Variants in ZMAT4 observed in about 807,000 individuals in gnomAD.
ZMAT4 encodes the protein zinc finger matrin-type 4, also known as zinc finger matrin-type protein 4.
Under a neutral mutation model 28.7 loss-of-function variants are expected in ZMAT4, and 17 were observed. That is an observed-to-expected ratio of 0.59 (90% CI 0.41 to 0.89). The LOEUF is 0.89. Among genes scored for constraint, ZMAT4 ranks in the 40% least tolerant of loss-of-function variants. The pLI is 0.00. For missense variants in ZMAT4, 240 were observed against 283.8 expected, an observed-to-expected ratio of 0.85 and a Z score of 1.11; for synonymous variants, 117 against 109.2, an observed-to-expected ratio of 1.07 and a Z score of -0.44.
chr8:40,768,856 G>T (rs1480139412), intron 2 of ZMAT4, among the ~76,000 whole-genome samples: 1 of 151,904 alleles, frequency 6.6e-6, no homozygotes, highest in African/African-American at 2.4e-5. Context: ...GCTTTTCCAG[G>T]CTTTTGTTCC....
At chr8:40,660,716 A>G (rs996921848) in intron 5 of ZMAT4, among the ~76,000 whole-genome samples, 2 of 152,218 alleles carry the variant, frequency 1.3e-5, no homozygotes, top group African/African-American at 2.4e-5. Context: ...CCTCAACTAT[A>G]AAATCCCCAT....
intron 5 of ZMAT4, among the ~76,000 whole-genome samples, chr8:40,631,818 G>A (rs1354466680): frequency 2.0e-5 from 3 of 152,202 alleles, no homozygotes; most frequent in Admixed American, 1.3e-4. Context: ...GAGCTATGCT[G>A]TAAAAGGTGT....
At chr8:40,804,164 T>G (rs147095019) in intron 2 of ZMAT4, among the ~76,000 whole-genome samples, 14 of 152,122 alleles carry the variant, frequency 9.2e-5, no homozygotes, top group African/African-American at 3.1e-4. Flanking sequence ...TAGACACAAA[T>G]CATTATACAT....
intron 1 of ZMAT4, among the ~76,000 whole-genome samples, chr8:40,863,896 C>A (rs1817587793): frequency 6.6e-6 from 1 of 152,142 alleles, no homozygotes; most frequent in African/African-American, 2.4e-5. Context: ...ACAACACTTA[C>A]CTATATCAAA....
intron 2 of ZMAT4, among the ~76,000 whole-genome samples, chr8:40,819,886 A>G (rs906568627): frequency 3.0e-4 from 46 of 152,044 alleles, no homozygotes; most frequent in Non-Finnish European, 1.8e-4. Flanking sequence ...TAGAGAACAT[A>G]TAGCAAATAT....
At chr8:40,780,158 G>A (rs1813771831) in intron 2 of ZMAT4, among the ~76,000 whole-genome samples, 1 of 152,156 alleles carries the variant, frequency 6.6e-6, no homozygotes, top group South Asian at 2.1e-4. Context: ...TAAGCCTGCG[G>A]TAAACTGAAA....
intron 2 of ZMAT4, among the ~76,000 whole-genome samples, chr8:40,785,587 T>C (rs1274003870): frequency 6.6e-6 from 1 of 152,216 alleles, no homozygotes; most frequent in East Asian, 1.9e-4. Flanking sequence ...CAGGATTCTA[T>C]AATTTCTTCC....
intron 5 of ZMAT4, among the ~76,000 whole-genome samples, chr8:40,596,250 T>C (rs1235029633): frequency 1.3e-5 from 2 of 152,208 alleles, no homozygotes; most frequent in African/African-American, 4.8e-5. Context: ...AGAACATAAC[T>C]GTACACTACT....
At chr8:40,596,468 C>T (rs1449457536) in intron 5 of ZMAT4, among the ~76,000 whole-genome samples, 1 of 152,094 alleles carries the variant, frequency 6.6e-6, no homozygotes, top group East Asian at 1.9e-4. Context: ...ATAAGATTTT[C>T]TATTTTTGAA....
intron 1 of ZMAT4, among the ~76,000 whole-genome samples, chr8:40,840,923 ATT>A (rs1400582053): frequency 6.6e-6 from 1 of 152,138 alleles, no homozygotes; most frequent in African/African-American, 2.4e-5. Flanking sequence ...TGCTAAAAAT[ATT>A]GTTTCTTCCC....
chr8:40,833,394 C>T (rs1237758409), intron 1 of ZMAT4, among the ~76,000 whole-genome samples: 1 of 151,748 alleles, frequency 6.6e-6, no homozygotes, highest in Non-Finnish European at 1.5e-5. Context: ...ATGGTGAAAC[C>T]CCATCTCTAT....
chr8:40,725,083 T>C (rs1012906969), intron 3 of ZMAT4, among the ~76,000 whole-genome samples: 3 of 152,200 alleles, frequency 2.0e-5, no homozygotes, highest in Non-Finnish European at 2.9e-5. Flanking sequence ...CCTGCCTACT[T>C]AGTTGCAAAC....
At chr8:40,556,697 T>C (rs1803550708) in intron 6 of ZMAT4, among the ~76,000 whole-genome samples, 1 of 152,226 alleles carries the variant, frequency 6.6e-6, no homozygotes, top group Non-Finnish European at 1.5e-5. Context: ...TGTAGAATAC[T>C]TTAATTGATA....
chr8:40,650,372 C>G (rs1222218835), intron 5 of ZMAT4, among the ~76,000 whole-genome samples: 1 of 142,326 alleles, frequency 7.0e-6, no homozygotes, highest in Non-Finnish European at 1.5e-5. Context: ...CAAGACTAAA[C>G]CAGGAAGAAG....
chr8:40,621,383 A>AG (rs141626677), intron 5 of ZMAT4, among the ~76,000 whole-genome samples: 154 of 152,340 alleles, frequency 1.0e-3, no homozygotes, highest in African/African-American at 3.6e-3. Flanking sequence ...TCAAATCTGG[A>AG]GGAAATGACT....
chr8:40,854,771 G>A (rs1177896552), intron 1 of ZMAT4, among the ~76,000 whole-genome samples: 4 of 152,140 alleles, frequency 2.6e-5, no homozygotes, highest in Non-Finnish European at 5.9e-5. Flanking sequence ...AGTACGGAAG[G>A]GAAAGGCAAA....
At chr8:40,856,233 C>T (rs988724677) in intron 1 of ZMAT4, among the ~76,000 whole-genome samples, 3 of 152,040 alleles carry the variant, frequency 2.0e-5, no homozygotes, top group African/African-American at 4.8e-5. Context: ...AAGATGTGAG[C>T]GCCAAAGGAA....
chr8:40,560,666 G>A (rs895548161), intron 6 of ZMAT4, among the ~76,000 whole-genome samples: 17 of 152,082 alleles, frequency 1.1e-4, no homozygotes, highest in African/African-American at 3.4e-4. Flanking sequence ...ATGATCACAA[G>A]GACAGCCAGC....
At chr8:40,711,638 T>A (rs552392738) in intron 3 of ZMAT4, among the ~76,000 whole-genome samples, 1 of 152,222 alleles carries the variant, frequency 6.6e-6, no homozygotes, top group South Asian at 2.1e-4. Context: ...GAATAAAAGA[T>A]GAAAAAGAAA....
Sources: allele counts gnomAD v4.1 joint callset (sites outside exome capture counted in the v4.1 genomes callset), GRCh38; gene constraint gnomAD v4.1.1; transcripts MANE v1.5; gene names NCBI Gene and HGNC (gene_info 2026-07-23, HGNC 2026-07-21).